The following ST6GALNAC3 variants were observed in gnomAD, a reference collection of about 807,000 sequenced individuals.
ST6GALNAC3 encodes alpha-N-acetylgalactosaminide alpha-2,6-sialyltransferase 3.
A neutral mutation model predicts 32.7 loss-of-function variants in ST6GALNAC3; 25 were observed. The ratio of observed to expected loss-of-function variants is 0.76; its 90% CI spans 0.56 to 1.07. The LOEUF (loss-of-function observed/expected upper bound fraction) is 1.07, where lower values mean the gene tolerates loss of function less well. Ranked by LOEUF, ST6GALNAC3 falls within the 50% of genes least tolerant of loss-of-function variation. The pLI is 0.00. For synonymous variants in ST6GALNAC3, 129 were observed against 133.1 expected, an observed-to-expected ratio of 0.97 and a Z score of 0.21; for missense variants, 355 against 382.4, an observed-to-expected ratio of 0.93 and a Z score of 0.60.
chr1:76,112,074 C>A (rs1465356725), intron 1 of ST6GALNAC3, among the ~76,000 whole-genome samples: 1 of 147,708 alleles, frequency 6.8e-6, no homozygotes, highest in Non-Finnish European at 1.5e-5. Flanking sequence ...GGGGCTGACC[C>A]CCCCACCTCC....
At chr1:76,544,613 C>G (rs566105637) in intron 3 of ST6GALNAC3, among the ~76,000 whole-genome samples, 6 of 152,050 alleles carry the variant, frequency 3.9e-5, no homozygotes, top group African/African-American at 1.4e-4. Context: ...CTCTAAAGAC[C>G]AAGAAAGGAG....
chr1:76,077,777 T>C (rs1226001442), intron 1 of ST6GALNAC3, among the ~76,000 whole-genome samples: 1 of 152,070 alleles, frequency 6.6e-6, no homozygotes, highest in East Asian at 1.9e-4. Flanking sequence ...AATGGGGAGG[T>C]CAGAAAGCCC....
chr1:76,515,312 G>A (rs1662105309), intron 3 of ST6GALNAC3, among the ~76,000 whole-genome samples: 2 of 151,566 alleles, frequency 1.3e-5, no homozygotes, highest in Admixed American at 1.3e-4. Context: ...GAAGTTTTGG[G>A]ATCTTATCAT....
At chr1:76,274,559 G>A (rs1406393819) in intron 1 of ST6GALNAC3, among the ~76,000 whole-genome samples, 1 of 152,160 alleles carries the variant, frequency 6.6e-6, no homozygotes, top group Non-Finnish European at 1.5e-5. Context: ...TGGAACATGA[G>A]TGAAAGCTAT....
At position 76,412,261 on chromosome 1, in the gene ST6GALNAC3, G is replaced by T; in HGVS notation, c.467G>T (p.Gly156Val). 1 of 1,613,588 alleles carries T rather than the reference G, an allele frequency of 6.2e-7. No homozygotes were observed. The highest frequency in any genetic ancestry group is 8.5e-7 in the Non-Finnish European group (1 of 1,179,750). The change falls in exon 3 of 5, where the codon GGA (glycine) becomes GTA (valine). Residue 156 changes from glycine to valine, a missense_variant. Physicochemically the swap from Gly to Val is moderately radical, Grantham distance 109. Coordinates refer to ENST00000328299, the MANE Select transcript of ST6GALNAC3 (RefSeq NM_152996.4). ...EANTTIYVIW[G>V]PFRNMRKDGN... ...AATACTACTATTTATGTTATTTGGG[G>T]ACCTTTCCGCAATATGAGGAAAGAT...
In ST6GALNAC3 at chr1:76,634,528, T is replaced by C. The variant is rs893481844; in HGVS notation, c.*5722T>C. ...TGTAAATGCACAGTTGTACGTTTGTTGAGAGTTTTTATGGCATTATAGTGC... is the reference window on the plus strand; with the variant it reads ...TGTAAATGCACAGTTGTACGTTTGTCGAGAGTTTTTATGGCATTATAGTGC... On this transcript the variant is annotated 3_prime_UTR_variant, in exon 5 of 5. Transcript: ENST00000328299. 2.0e-5 allele frequency: 3 copies of C among 152,150 alleles called. No homozygotes were observed. Among genetic ancestry groups the C allele is most frequent in the Non-Finnish European group, 4.4e-5 (3 of 68,022 alleles). 9.4% of individuals were successfully genotyped at this position (152,150 alleles called of 1,614,324 possible). A position where few individuals can be genotyped will look rare whatever the true frequency, so the allele number is the denominator to read the frequency against.
intron 2 of ST6GALNAC3, among the ~76,000 whole-genome samples, chr1:76,322,074 G>A (rs1189258662): frequency 1.3e-5 from 2 of 152,046 alleles, no homozygotes; most frequent in East Asian, 1.9e-4. Flanking sequence ...TCTTGTTAAC[G>A]CACTTGAAAG....
At chr1:76,088,164 T>C (rs1033396020) in intron 1 of ST6GALNAC3, among the ~76,000 whole-genome samples, 2 of 147,546 alleles carry the variant, frequency 1.4e-5, no homozygotes, top group African/African-American at 5.1e-5. Flanking sequence ...AGGCACATAG[T>C]GGTTAAAGTT....
At chr1:76,202,269 T>C (rs1478032397) in intron 1 of ST6GALNAC3, among the ~76,000 whole-genome samples, 1 of 14,350 alleles carries the variant, frequency 7.0e-5, no homozygotes, top group African/African-American at 1.7e-4. Context: ...TGTGCATGCA[T>C]GTGTGTGTGT....
chr1:76,628,499 C>T, intron 4 of ST6GALNAC3, 121 bp from the exon 5 acceptor site: 5 of 948,238 alleles, frequency 5.3e-6, no homozygotes, highest in South Asian at 2.0e-5. Context: ...AGTTCATGGA[C>T]AAGAATCATG....
chr1:76,243,278 T>C (rs1389514339), intron 1 of ST6GALNAC3, among the ~76,000 whole-genome samples: 2 of 152,210 alleles, frequency 1.3e-5, no homozygotes, highest in Non-Finnish European at 2.9e-5. Context: ...TTCATATCCT[T>C]CGCCCACTTT....
At chr1:76,575,627 CA>C (rs1337169494) in intron 3 of ST6GALNAC3, among the ~76,000 whole-genome samples, 1 of 151,994 alleles carries the variant, frequency 6.6e-6, no homozygotes, top group Non-Finnish European at 1.5e-5. Flanking sequence ...GGTAAGTCCA[CA>C]AACTTGGGTA....
chr1:76,201,218 C>T (rs1654496464), intron 1 of ST6GALNAC3, among the ~76,000 whole-genome samples: 1 of 152,146 alleles, frequency 6.6e-6, no homozygotes, highest in South Asian at 2.1e-4. Flanking sequence ...AAAGAGGTTT[C>T]ATTGACTCAC....
At chr1:76,220,943 A>G (rs1401477846) in intron 1 of ST6GALNAC3, among the ~76,000 whole-genome samples, 1 of 152,224 alleles carries the variant, frequency 6.6e-6, no homozygotes. Context: ...CAAAGGTAAC[A>G]GTTGTCACAT....
intron 3 of ST6GALNAC3, among the ~76,000 whole-genome samples, chr1:76,595,034 G>T (rs1237386763): frequency 6.6e-6 from 1 of 152,074 alleles, no homozygotes; most frequent in East Asian, 1.9e-4. Context: ...AAAAAAAGGA[G>T]AGCTGTTTTG....
chr1:76,281,250 A>G (rs1025474850), intron 1 of ST6GALNAC3, among the ~76,000 whole-genome samples: 7 of 152,208 alleles, frequency 4.6e-5, no homozygotes, highest in African/African-American at 1.7e-4. Context: ...TTGAGTTTGC[A>G]AATTTTCTCT....
intron 2 of ST6GALNAC3, among the ~76,000 whole-genome samples, chr1:76,345,309 A>G (rs1021074490): frequency 2.0e-5 from 3 of 152,166 alleles, no homozygotes; most frequent in Non-Finnish European, 4.4e-5. Flanking sequence ...AGAACAATGG[A>G]ATAGTAAGGA....
At chr1:76,114,111 G>T (rs1419748904) in intron 1 of ST6GALNAC3, among the ~76,000 whole-genome samples, 4 of 151,136 alleles carry the variant, frequency 2.6e-5, no homozygotes, top group African/African-American at 4.9e-5. Context: ...CCAACGTGCT[G>T]GGATTACAGA....
At chr1:76,318,985 CT>C (rs1161965421) in intron 2 of ST6GALNAC3, among the ~76,000 whole-genome samples, 1 of 152,052 alleles carries the variant, frequency 6.6e-6, no homozygotes, top group African/African-American at 2.4e-5. Context: ...ATTGTGTTGT[CT>C]TTTTTGTTGT....
Sources: allele counts gnomAD v4.1 joint callset (sites outside exome capture counted in the v4.1 genomes callset), GRCh38; gene constraint gnomAD v4.1.1; transcripts MANE v1.5; gene names NCBI Gene and HGNC (gene_info 2026-07-23, HGNC 2026-07-21).